CDH18: variants seen among roughly 807,000 people sequenced by gnomAD.
CDH18 encodes the protein cadherin-18.
Under a neutral mutation model 67.9 loss-of-function variants are expected in CDH18, and 31 were observed. The ratio of observed to expected loss-of-function variants is 0.46; its 90% confidence interval spans 0.34 to 0.62. CDH18 has a LOEUF of 0.62. Ranked by LOEUF, CDH18 falls within the 20% of genes least tolerant of loss-of-function variation. The pLI is 0.01. For missense variants in CDH18, 890 were observed against 975.5 expected, an observed-to-expected ratio of 0.91 and a Z score of 1.17; for synonymous variants, 362 against 347.2, an observed-to-expected ratio of 1.04 and a Z score of -0.48.
At chr5:20,200,613 C>T (rs993625065) in intron 2 of CDH18, among the ~76,000 whole-genome samples, 1 of 151,976 alleles carries the variant, frequency 6.6e-6, no homozygotes, top group African/African-American at 2.4e-5. Context: ...GAGGATGAGG[C>T]TGCAGTGAGC....
At chr5:20,048,539 C>T (rs1741109131) in intron 2 of CDH18, among the ~76,000 whole-genome samples, 1 of 151,622 alleles carries the variant, frequency 6.6e-6, no homozygotes, top group Non-Finnish European at 1.5e-5. Context: ...CCCATTATTC[C>T]AATGCAAAAT....
chr5:19,526,576 GAAA>G lies in CDH18; in HGVS notation c.1391-5801_1391-5799del, dbSNP rs947387860. On this transcript the variant is annotated intron_variant, in intron 9 of 12. Coordinates refer to ENST00000382275, the MANE Select transcript of CDH18 (RefSeq NM_004934.5). The stretch of plus-strand genomic sequence containing the variant: ...ATTTCCCACTTATGGACATTGAATG[GAAA>G]AAATAAATACTAATTTTTTCTTAAA... 5.3e-5 allele frequency among the ~76,000 whole-genome samples: 8 copies of G among 151,952 alleles called. No individual in the cohort carries two copies. The East Asian group carries it at 1.5e-3, about 29-fold the overall frequency.
At chr5:19,904,167 A>G (rs1315620686) in intron 2 of CDH18, among the ~76,000 whole-genome samples, 2 of 151,580 alleles carry the variant, frequency 1.3e-5, no homozygotes, top group Non-Finnish European at 2.9e-5. Flanking sequence ...CCAGCTACTC[A>G]GGAGGCTGAA....
At chr5:19,628,132 G>A (rs770463418) in intron 5 of CDH18, among the ~76,000 whole-genome samples, 2 of 152,100 alleles carry the variant, frequency 1.3e-5, no homozygotes, top group African/African-American at 2.4e-5. Flanking sequence ...CTGTTCTTAT[G>A]TAGTGACTAA....
chr5:20,498,178 G>A lies in CDH18; in HGVS notation c.-580+77284C>T, dbSNP rs1011534449. ...TCCTTATTTAGTGCTATACTTTGCG[G>A]ATTAGTAACTACTAACTTTATAGTC... On this transcript the variant is annotated intron_variant, in intron 1 of 14. Transcript: ENST00000507958. Among the ~76,000 whole-genome samples, 35 of 151,646 alleles carry A rather than the reference G, an allele frequency of 2.3e-4. 1 individual carries two copies. The highest frequency in any genetic ancestry group is 4.6e-4 in the Admixed American group (7 of 15,182).
chr5:19,760,750 G>C (rs753292922), intron 3 of CDH18, among the ~76,000 whole-genome samples: 1 of 152,092 alleles, frequency 6.6e-6, no homozygotes, highest in Non-Finnish European at 1.5e-5. Context: ...GTGGCCTGCC[G>C]GGACTTTAGT....
At chr5:19,818,846 A>G (rs927962246) in intron 3 of CDH18, among the ~76,000 whole-genome samples, 1 of 152,220 alleles carries the variant, frequency 6.6e-6, no homozygotes, top group African/African-American at 2.4e-5. Context: ...GCACATGACT[A>G]TAATTTGTTT....
intron 2 of CDH18, among the ~76,000 whole-genome samples, chr5:19,914,004 G>A (rs940080567): frequency 6.6e-6 from 1 of 152,084 alleles, no homozygotes; most frequent in Non-Finnish European, 1.5e-5. Flanking sequence ...TCTAAAAAAT[G>A]AGACCATTAG....
rs189296237 is a variant in CDH18 at position 20,388,974 on chromosome 5, A to G, written c.-579-133469T>C. 9.1e-4 allele frequency among the ~76,000 whole-genome samples: 139 copies of G among 152,248 alleles called. 1 individual carries two copies. Among genetic ancestry groups the G allele is most frequent in the African/African-American group, 3.2e-3 (134 of 41,562 alleles). On this transcript the variant is annotated intron_variant, in intron 1 of 14. Coordinates refer to the CDH18 transcript ENST00000507958. ...GCTGAGGAGTGCTTTACTTCCAACT[A>G]TGTGGTCAATTTTGGAATAAGTGCA...
intron 9 of CDH18, among the ~76,000 whole-genome samples, chr5:19,527,526 A>G (rs1747926742): frequency 6.6e-6 from 1 of 151,708 alleles, no homozygotes; most frequent in Admixed American, 6.6e-5. Context: ...TATATCATAT[A>G]TAATAAATTA....
At chr5:20,352,678 C>G (rs192857812) in intron 1 of CDH18, among the ~76,000 whole-genome samples, 2,116 of 150,818 alleles carry the variant, frequency 0.014, 35 homozygotes, top group African/African-American at 0.049. Context: ...GCCTGTATCC[C>G]AGCTATCGGG....
intron 2 of CDH18, among the ~76,000 whole-genome samples, chr5:20,255,280 G>T (rs1264269538): frequency 6.6e-6 from 1 of 152,088 alleles, no homozygotes; most frequent in Non-Finnish European, 1.5e-5. Context: ...AAACACAGAA[G>T]ATGCTAAATT....
intron 2 of CDH18, among the ~76,000 whole-genome samples, chr5:19,892,841 G>A (rs541167348): frequency 1.3e-5 from 2 of 152,238 alleles, no homozygotes; most frequent in East Asian, 3.9e-4. Flanking sequence ...AAGAGACCCT[G>A]AACCAAAACC....
Position 19,612,469 on chromosome 5 carries a change from G to A in CDH18, c.776C>T (p.Thr259Ile), listed in dbSNP as rs763910223. 6.2e-6 allele frequency: 10 copies of A among 1,613,992 alleles called. No individual in the cohort carries two copies. The highest frequency in any genetic ancestry group is 1.1e-5 in the South Asian group (1 of 91,092). ...SGSTTVNITL[T>I]DVNDNPPRFP... is the part of the protein sequence containing the mutation. ...GCGTGGTGGGTTGTCATTGACATCG[G>A]TTAAGGTGATGTTGACTGTTGTAGA... The change falls in exon 6 of 13, where the codon ACC (threonine) becomes ATC (isoleucine). Residue 259 changes from threonine (T) to isoleucine (I), a missense_variant. This residue lies in a region of CDH18 where 656 missense variants were observed against 668.1 expected (regional missense o/e 0.98). Transcript: ENST00000382275.
chr5:20,037,691 C>T (rs1186560035), intron 2 of CDH18, among the ~76,000 whole-genome samples: 1 of 152,088 alleles, frequency 6.6e-6, no homozygotes, highest in Admixed American at 6.6e-5. Flanking sequence ...ATCTCTGCGA[C>T]ACAGCTAAAG....
chr5:19,796,328 CAGAGT>C (rs1581389268), intron 3 of CDH18, among the ~76,000 whole-genome samples: 7 of 151,868 alleles, frequency 4.6e-5, no homozygotes, highest in South Asian at 4.2e-4. Flanking sequence ...TGAAAGCAGC[CAGAGT>C]AAAGTGATGC....
intron 1 of CDH18, among the ~76,000 whole-genome samples, chr5:20,297,861 G>C (rs1215795804): frequency 6.6e-6 from 1 of 152,154 alleles, no homozygotes; most frequent in African/African-American, 2.4e-5. Flanking sequence ...TCTTCTGCCT[G>C]TCCTCCAGAA....
At chr5:19,863,698 A>G (rs2149990780) in intron 2 of CDH18, among the ~76,000 whole-genome samples, 1 of 152,316 alleles carries the variant, frequency 6.6e-6, no homozygotes, top group African/African-American at 2.4e-5. Flanking sequence ...AGCAGGTGGC[A>G]GTGGCCCCAG....
At chr5:20,132,756 G>A (rs1007323954) in intron 2 of CDH18, among the ~76,000 whole-genome samples, 10 of 151,998 alleles carry the variant, frequency 6.6e-5, no homozygotes, top group Admixed American at 1.3e-4. Flanking sequence ...AATTCCTCAC[G>A]TTCATCTCTT....
Sources: allele counts gnomAD v4.1 joint callset (sites outside exome capture counted in the v4.1 genomes callset), GRCh38; gene constraint gnomAD v4.1.1; regional missense constraint gnomAD v4.1.1; transcripts MANE v1.5; gene names NCBI Gene and HGNC (gene_info 2026-07-23, HGNC 2026-07-21).